Variants in LRRTM4 observed in about 807,000 individuals in gnomAD.
The protein encoded by LRRTM4 is leucine-rich repeat transmembrane neuronal protein 4.
In LRRTM4, 25 loss-of-function variants were observed where a neutral mutation model predicts 47.6. That is an observed-to-expected ratio of 0.53 (90% CI 0.38 to 0.73). The LOEUF is 0.73. LRRTM4 is among the 30% of genes least tolerant of loss of function. The pLI is 0.00. For missense variants in LRRTM4, 638 were observed against 713.4 expected (o/e 0.89, Z 1.20); for synonymous variants, 311 against 269.5 (o/e 1.15, Z -1.51).
chr2:77,362,384 C>T (rs925161169), intron 3 of LRRTM4, among the ~76,000 whole-genome samples: 21 of 152,042 alleles, frequency 1.4e-4, no homozygotes, highest in African/African-American at 4.6e-4. Flanking sequence ...GTATATAGAA[C>T]GAGATATATT....
At position 77,362,170 on chromosome 2, in the gene LRRTM4, A is replaced by AAAGGAAGGAAGGAAGG. The variant is rs1553434339; in HGVS notation, c.1551+156147_1551+156148insCCTTCCTTCCTTCCTT. ...GAAAGAAAGAAAGAAAGAAAGAAAG[A>AAAGGAAGGAAGGAAGG]AAGGAAGGAAGGAAGAGTTCTTAAT... On this transcript the variant is annotated intron_variant, in intron 3 of 3. Transcript: ENST00000409884. Among the ~76,000 whole-genome samples, 251 of 133,554 alleles carry AAAGGAAGGAAGGAAGG rather than the reference A, an allele frequency of 1.9e-3. 4 individuals carry two copies. The highest frequency in any genetic ancestry group is 4.0e-3 in the African/African-American group (123 of 30,530). The allele number at this position is 133,554 out of a possible 152,430, so 87.6% of individuals were successfully genotyped here. A position where few individuals can be genotyped will look rare whatever the true frequency, so the allele number is the denominator to read the frequency against.
chr2:77,250,795 CTCT>C (rs1041314208), intron 3 of LRRTM4, among the ~76,000 whole-genome samples: 7 of 152,184 alleles, frequency 4.6e-5, no homozygotes, highest in African/African-American at 7.2e-5. Context: ...TATACTTAAC[CTCT>C]TCTTCTTATT....
chr2:77,063,420 G>A (rs549485605), intron 3 of LRRTM4, among the ~76,000 whole-genome samples: 2 of 152,156 alleles, frequency 1.3e-5, no homozygotes, highest in South Asian at 2.1e-4. Flanking sequence ...TAACCATGCG[G>A]CCATTATTTC....
At chr2:76,922,722 A>G (rs888467590) in intron 3 of LRRTM4, among the ~76,000 whole-genome samples, 1 of 152,078 alleles carries the variant, frequency 6.6e-6, no homozygotes, top group African/African-American at 2.4e-5. Context: ...GCTACAACTA[A>G]TAATAAGGTA....
intron 3 of LRRTM4, among the ~76,000 whole-genome samples, chr2:77,152,131 T>A (rs1270081636): frequency 2.0e-5 from 3 of 152,104 alleles, no homozygotes; most frequent in African/African-American, 4.8e-5. Context: ...TTCTGGTAAT[T>A]ATGAAAGGAA....
At chr2:77,414,264 G>C (rs74935886) in intron 3 of LRRTM4, among the ~76,000 whole-genome samples, 1 of 151,810 alleles carries the variant, frequency 6.6e-6, no homozygotes, top group Non-Finnish European at 1.5e-5. Context: ...TCTATATTAA[G>C]AGCTGAGAAA....
chr2:76,879,435 C>A (rs1672867232), intron 3 of LRRTM4, among the ~76,000 whole-genome samples: 1 of 152,152 alleles, frequency 6.6e-6, no homozygotes, highest in Non-Finnish European at 1.5e-5. Flanking sequence ...AACAACAAGG[C>A]CTAGAAGACA....
intron 3 of LRRTM4, among the ~76,000 whole-genome samples, chr2:77,468,648 A>G (rs1212983573): frequency 6.6e-6 from 1 of 152,152 alleles, no homozygotes; most frequent in Non-Finnish European, 1.5e-5. Flanking sequence ...CTCTGGGGCC[A>G]TGCTAGTGCT....
chr2:77,009,071 T>C (rs1411564155), intron 3 of LRRTM4: 2 of 151,932 alleles, frequency 1.3e-5, no homozygotes, highest in Non-Finnish European at 2.9e-5. Flanking sequence ...CAAAGGCAAA[T>C]GCTGAGAGCA....
intron 3 of LRRTM4, among the ~76,000 whole-genome samples, chr2:76,775,296 T>C (rs1255180772): frequency 6.6e-6 from 1 of 152,166 alleles, no homozygotes; most frequent in Admixed American, 6.5e-5. Flanking sequence ...TCCACAACAT[T>C]GGCAATCCTT....
chr2:76,918,613 A>G (rs768801441), intron 3 of LRRTM4, among the ~76,000 whole-genome samples: 3 of 152,208 alleles, frequency 2.0e-5, no homozygotes, highest in Non-Finnish European at 2.9e-5. Context: ...TTAAAAATAC[A>G]GACGAACCCG....
chr2:77,005,066 G>A (rs1437985724), intron 3 of LRRTM4, among the ~76,000 whole-genome samples: 1 of 152,036 alleles, frequency 6.6e-6, no homozygotes, highest in East Asian at 1.9e-4. Flanking sequence ...TCTGCAATGA[G>A]ATTTTGGACT....
chr2:76,876,412 C>T (rs77047657), intron 3 of LRRTM4, among the ~76,000 whole-genome samples: 5,281 of 152,082 alleles, frequency 0.035, 212 homozygotes, highest in East Asian at 0.13. Context: ...AAATGTGTTG[C>T]AATGAATGTT....
At chr2:77,399,338 A>C (rs868695188) in intron 3 of LRRTM4, among the ~76,000 whole-genome samples, 1 of 151,872 alleles carries the variant, frequency 6.6e-6, no homozygotes, top group African/African-American at 2.4e-5. Context: ...CATTCTTTGT[A>C]GTGAGAACAC....
chr2:76,903,967 G>A (rs1455958091), intron 3 of LRRTM4, among the ~76,000 whole-genome samples: 1 of 152,188 alleles, frequency 6.6e-6, no homozygotes, highest in Non-Finnish European at 1.5e-5. Flanking sequence ...CATCAAGTTA[G>A]TGACTATTCT....
intron 3 of LRRTM4, among the ~76,000 whole-genome samples, chr2:76,868,791 C>T (rs1294106801): frequency 1.3e-5 from 2 of 152,062 alleles, no homozygotes; most frequent in Non-Finnish European, 2.9e-5. Flanking sequence ...AACATGAAGT[C>T]GATCTGTGAT....
At chr2:77,315,656 T>G (rs1354140928) in intron 3 of LRRTM4, among the ~76,000 whole-genome samples, 1 of 152,164 alleles carries the variant, frequency 6.6e-6, no homozygotes, top group African/African-American at 2.4e-5. Context: ...AGCAATTTTT[T>G]TTTGGTTGGG....
At chr2:77,115,307 C>T (rs191383982) in intron 3 of LRRTM4, among the ~76,000 whole-genome samples, 1 of 152,134 alleles carries the variant, frequency 6.6e-6, no homozygotes, top group Non-Finnish European at 1.5e-5. Context: ...TTATCCTGTT[C>T]TTTTTCAGGG....
intron 3 of LRRTM4, among the ~76,000 whole-genome samples, chr2:76,900,211 G>C (rs918261178): frequency 1.3e-5 from 2 of 152,044 alleles, no homozygotes; most frequent in Non-Finnish European, 2.9e-5. Context: ...TCCAGTCTAG[G>C]TGACAGAGCA....
Sources: allele counts gnomAD v4.1 joint callset (sites outside exome capture counted in the v4.1 genomes callset), GRCh38; gene constraint gnomAD v4.1.1; transcripts MANE v1.5; gene names NCBI Gene and HGNC (gene_info 2026-07-23, HGNC 2026-07-21).